Variants in CSMD1 observed in about 807,000 individuals in gnomAD.
The protein encoded by CSMD1 is CUB and sushi domain-containing protein 1.
CSMD1 carries 213 observed loss-of-function variants against 417.5 expected under a neutral mutation model. That is an observed-to-expected ratio of 0.51 (90% CI 0.46 to 0.57). CSMD1 has a LOEUF of 0.57. CSMD1 is among the 20% of genes least tolerant of loss of function. The pLI, the probability that CSMD1 is intolerant of heterozygous loss-of-function variation, is 0.00. For synonymous variants in CSMD1, 2,862 were observed against 1,736.8 expected (o/e 1.65, Z -16.11); for missense variants, 6,923 against 4,529.7 (o/e 1.53, Z -15.17).
intron 3 of CSMD1, among the ~76,000 whole-genome samples, chr8:4,067,459 G>A (rs1799310828): frequency 6.7e-6 from 1 of 149,460 alleles, no homozygotes; most frequent in Non-Finnish European, 1.5e-5. Flanking sequence ...TGGTATATCA[G>A]TTCTTTTCAC....
At chr8:4,037,559 C>T (rs1056224451) in intron 3 of CSMD1, among the ~76,000 whole-genome samples, 2 of 152,108 alleles carry the variant, frequency 1.3e-5, no homozygotes, top group Non-Finnish European at 2.9e-5. Flanking sequence ...ATAGCCTTTG[C>T]AAGGTGCCGT....
At chr8:4,504,737 G>C (rs980842599) in intron 2 of CSMD1, among the ~76,000 whole-genome samples, 2 of 152,008 alleles carry the variant, frequency 1.3e-5, no homozygotes, top group African/African-American at 2.4e-5. Flanking sequence ...GTGATGTTTG[G>C]TTTTCTGTTC....
chr8:4,264,512 C>A (rs914356021), intron 3 of CSMD1, among the ~76,000 whole-genome samples: 1 of 152,172 alleles, frequency 6.6e-6, no homozygotes, highest in Non-Finnish European at 1.5e-5. Context: ...TGTACCCCCC[C>A]TGAAGCTGAG....
At chr8:3,554,819 G>C (rs551259945) in intron 10 of CSMD1, among the ~76,000 whole-genome samples, 1 of 152,150 alleles carries the variant, frequency 6.6e-6, no homozygotes, top group Non-Finnish European at 1.5e-5. Flanking sequence ...CAAGTGAGCT[G>C]GGTCTGGGCA....
chr8:4,930,126 C>G (rs375080035), intron 1 of CSMD1, among the ~76,000 whole-genome samples: 16 of 152,258 alleles, frequency 1.1e-4, no homozygotes, highest in African/African-American at 3.6e-4. Flanking sequence ...GACCTTACAT[C>G]AATTGCGTTG....
rs575596613 is a variant in CSMD1, at chr8:4,264,389, A to C, written c.415+155564T>G. ...TCCACTTTTTAGAAGATAATACAAG[A>C]AACATCCACAGAGGTTGCACATGTA... On this transcript the variant is annotated intron_variant, in intron 3 of 69. Transcript: ENST00000635120. Among the ~76,000 whole-genome samples the C allele has an allele frequency of 1.6e-4, 24 of 152,356 alleles. 1 individual carries two copies. The highest frequency in any genetic ancestry group is 5.8e-4 in the African/African-American group (24 of 41,578).
rs1056130307 is a variant in CSMD1 at position 3,586,401 on chromosome 8, T to C, written c.1098-141A>G. The C allele has an allele frequency of 8.0e-6, 6 of 750,712 alleles. No individual in the cohort carries two copies. In the Admixed American group the frequency reaches 1.2e-4, roughly 15 times the overall value. The allele number at this position is 750,712 out of a possible 1,614,324, so 46.5% of individuals were successfully genotyped here. A position where few individuals can be genotyped will look rare whatever the true frequency, so the allele number is the denominator to read the frequency against. ...AGACATTAAGCAACTCATTAGGTAGTATGTATAGAGGCAACCCTGTAATTT... is the reference window on the plus strand; with the variant it reads ...AGACATTAAGCAACTCATTAGGTAGCATGTATAGAGGCAACCCTGTAATTT... On this transcript the variant is annotated intron_variant, in intron 8 of 69. Coordinates refer to ENST00000635120, the MANE Select transcript of CSMD1 (RefSeq NM_033225.6).
At chr8:4,954,936 C>T (rs943978517) in intron 1 of CSMD1, among the ~76,000 whole-genome samples, 1 of 152,080 alleles carries the variant, frequency 6.6e-6, no homozygotes, top group Non-Finnish European at 1.5e-5. Context: ...AAACATGTTT[C>T]TGTTTGTCTG....
intron 12 of CSMD1, among the ~76,000 whole-genome samples, chr8:3,462,001 G>A (rs941415724): frequency 6.6e-6 from 1 of 152,152 alleles, no homozygotes; most frequent in African/African-American, 2.4e-5. Context: ...CGTGTTCCTA[G>A]GAAACGAGGC....
rs144839476 is a variant in CSMD1 at position 4,512,040 on chromosome 8, A to C, written c.303-91975T>G. Among the ~76,000 whole-genome samples the C allele has an allele frequency of 6.4e-4, 98 of 152,312 alleles. 2 individuals carry two copies. The East Asian group carries it at 0.018, about 27-fold the overall frequency. ...CATGGACATGGTTGCAAAAATCCTC[A>C]ACAAAATATTAGCAAAATAAATTCA... is the stretch of plus-strand genomic sequence containing the variant. On this transcript the variant is annotated intron_variant, in intron 2 of 69. Coordinates refer to ENST00000635120, the MANE Select transcript of CSMD1 (RefSeq NM_033225.6).
intron 1 of CSMD1, among the ~76,000 whole-genome samples, chr8:4,953,328 G>A (rs1030289923): frequency 6.6e-6 from 1 of 152,100 alleles, no homozygotes; most frequent in Non-Finnish European, 1.5e-5. Context: ...TGAACTTGTT[G>A]TAACTTTTCA....
chr8:3,680,747 T>C (rs1799610748), intron 7 of CSMD1, among the ~76,000 whole-genome samples: 2 of 152,216 alleles, frequency 1.3e-5, no homozygotes, highest in South Asian at 4.2e-4. Flanking sequence ...AAAGAGAATT[T>C]TAGACCAATA....
intron 8 of CSMD1, among the ~76,000 whole-genome samples, chr8:3,614,535 T>A (rs1009565455): frequency 3.3e-5 from 5 of 152,330 alleles, no homozygotes; most frequent in African/African-American, 9.6e-5. Flanking sequence ...ATTCACAACT[T>A]CCCTGTTAAC....
intron 5 of CSMD1, among the ~76,000 whole-genome samples, chr8:3,896,741 T>G (rs1222145158): frequency 6.6e-6 from 1 of 152,030 alleles, no homozygotes; most frequent in Non-Finnish European, 1.5e-5. Flanking sequence ...CGATCCTGAA[T>G]ATGTTTTTTT....
At chr8:3,287,146 T>G (rs1207710724) in intron 25 of CSMD1, among the ~76,000 whole-genome samples, 1 of 150,744 alleles carries the variant, frequency 6.6e-6, no homozygotes, top group Non-Finnish European at 1.5e-5. Context: ...ATATGCAGCA[T>G]TATTTCTGAG....
chr8:4,354,096 A>C (rs996412598), intron 3 of CSMD1, among the ~76,000 whole-genome samples: 2 of 152,292 alleles, frequency 1.3e-5, no homozygotes, highest in Admixed American at 6.5e-5. Context: ...TTGCTTCCAT[A>C]TTCTCGTTAA....
chr8:4,022,753 C>G (rs1224031395), intron 4 of CSMD1, among the ~76,000 whole-genome samples: 3 of 152,110 alleles, frequency 2.0e-5, no homozygotes, highest in African/African-American at 4.8e-5. Flanking sequence ...CAACTAGAAA[C>G]TTTGGGAATC....
intron 3 of CSMD1, among the ~76,000 whole-genome samples, chr8:4,046,095 TATA>T (rs1798132488): frequency 6.6e-6 from 1 of 152,158 alleles, no homozygotes; most frequent in Admixed American, 6.6e-5. Flanking sequence ...TTATATAACA[TATA>T]ATAATGTATT....
chr8:4,952,609 A>G (rs1023099458), intron 1 of CSMD1, among the ~76,000 whole-genome samples: 1 of 152,098 alleles, frequency 6.6e-6, no homozygotes, highest in Non-Finnish European at 1.5e-5. Context: ...TTCACAATTC[A>G]CAATTAGAGC....
Sources: allele counts gnomAD v4.1 joint callset (sites outside exome capture counted in the v4.1 genomes callset), GRCh38; gene constraint gnomAD v4.1.1; transcripts MANE v1.5; gene names NCBI Gene and HGNC (gene_info 2026-07-23, HGNC 2026-07-21).